The following MGMT variants were observed in gnomAD, a reference collection of about 807,000 sequenced individuals.
MGMT encodes the protein methylated-DNA--protein-cysteine methyltransferase.
MGMT carries 14 observed loss-of-function variants against 15.9 expected under a neutral mutation model. That is an observed-to-expected ratio of 0.88 (90% CI 0.58 to 1.37). The LOEUF is 1.37. Among genes scored for constraint, MGMT ranks in the 40% most tolerant of loss-of-function variants. MGMT has a pLI of 0.00. For synonymous variants in MGMT, 130 were observed against 118.2 expected (o/e 1.10, Z -0.65); for missense variants, 282 against 268.1 (o/e 1.05, Z -0.36).
intron 1 of MGMT, among the ~76,000 whole-genome samples, chr10:129,471,893 C>A (rs768229435): frequency 1.3e-5 from 2 of 152,192 alleles, no homozygotes; most frequent in South Asian, 4.1e-4. Context: ...GGTCTGAGTA[C>A]GGTTTTGTAA....
rs150245302 is a variant in MGMT at position 129,532,760 on chromosome 10, G to C, written c.-12-3481G>C. Among the ~76,000 whole-genome samples, 4 of 152,288 alleles carry C rather than the reference G, an allele frequency of 2.6e-5. No individual in the cohort carries two copies. In the East Asian group the frequency reaches 7.7e-4, roughly 29 times the overall value. Reference sequence around the variant, plus strand: ...CAAAGCCCTGGCCGTGGCCATCTCAGGTTAGACCCTCAGAGTGGCACTGTC... The same window carrying C: ...CAAAGCCCTGGCCGTGGCCATCTCACGTTAGACCCTCAGAGTGGCACTGTC... On this transcript the variant is annotated intron_variant, in intron 1 of 4. Coordinates refer to ENST00000651593, the MANE Select transcript of MGMT (RefSeq NM_002412.5). This position sits in a 1 kb window ranked among gnomAD's most constrained non-coding sequence, Gnocchi z 5.3.
intron 1 of MGMT, among the ~76,000 whole-genome samples, chr10:129,534,425 G>A (rs577400074): frequency 1.4e-4 from 21 of 152,194 alleles, no homozygotes; most frequent in Non-Finnish European, 2.5e-4. Context: ...ATCCCTGTCA[G>A]TCTGCACAGA....
At chr10:129,479,295 T>G (rs928445340) in intron 1 of MGMT, among the ~76,000 whole-genome samples, 6 of 152,208 alleles carry the variant, frequency 3.9e-5, no homozygotes, top group African/African-American at 9.6e-5. Context: ...TGGAAGTATA[T>G]TTTACAAGTA....
intron 2 of MGMT, among the ~76,000 whole-genome samples, chr10:129,650,713 G>C (rs1847447524): frequency 6.6e-6 from 1 of 152,184 alleles, no homozygotes; most frequent in Non-Finnish European, 1.5e-5. Flanking sequence ...CCGTCTCCAA[G>C]TACTTTGGGT....
At chr10:129,478,577 A>G (rs1413302449) in intron 1 of MGMT, among the ~76,000 whole-genome samples, 1 of 152,174 alleles carries the variant, frequency 6.6e-6, no homozygotes, top group African/African-American at 2.4e-5. Flanking sequence ...AAATATATCA[A>G]GTTCACAGGG....
chr10:129,530,566 T>C (rs1276913963), intron 1 of MGMT, among the ~76,000 whole-genome samples: 2 of 152,204 alleles, frequency 1.3e-5, no homozygotes, highest in East Asian at 3.9e-4. Flanking sequence ...CTCCCCTGGT[T>C]GGGTTTCTCC....
At chr10:129,673,619 G>C (rs1589928819) in intron 2 of MGMT, among the ~76,000 whole-genome samples, 1 of 152,166 alleles carries the variant, frequency 6.6e-6, no homozygotes, top group Non-Finnish European at 1.5e-5. Context: ...CCAGCCCTCT[G>C]GTTCTGTCCA....
intron 1 of MGMT, among the ~76,000 whole-genome samples, chr10:129,523,007 A>G (rs1845830062): frequency 6.6e-6 from 1 of 152,264 alleles, no homozygotes; most frequent in Non-Finnish European, 1.5e-5. Context: ...CTGCCATGAC[A>G]TATTTAAGCT....
At chr10:129,490,342 T>C (rs1330650628) in intron 1 of MGMT, among the ~76,000 whole-genome samples, 1 of 152,204 alleles carries the variant, frequency 6.6e-6, no homozygotes, top group Admixed American at 6.5e-5. Flanking sequence ...TAGGGAATTA[T>C]TAATGTTAAG....
intron 2 of MGMT, among the ~76,000 whole-genome samples, chr10:129,657,243 A>AT (rs1176695414): frequency 6.6e-6 from 1 of 151,962 alleles, no homozygotes; most frequent in African/African-American, 2.4e-5. Flanking sequence ...TCGAATCGGG[A>AT]TTTTCCTACC....
intron 2 of MGMT, among the ~76,000 whole-genome samples, chr10:129,607,276 T>C (rs999835427): frequency 6.6e-6 from 1 of 151,770 alleles, no homozygotes; most frequent in African/African-American, 2.4e-5. Flanking sequence ...CCGGGAAGAA[T>C]TACCTGGAAG....
chr10:129,554,503 C>T (rs1237557900), intron 2 of MGMT, among the ~76,000 whole-genome samples: 2 of 152,120 alleles, frequency 1.3e-5, no homozygotes, highest in African/African-American at 4.8e-5. Context: ...TTTTAACTGT[C>T]TATGTCCTGG....
rs935685111 is a variant in MGMT, at chr10:129,659,748, C to G, written c.126-48147C>G. ...AGTATTAAACTTTAGAAAAAGTGTT[C>G]TGACATTTATAGACTGACACGAAAA... On this transcript the variant is annotated intron_variant, in intron 2 of 4. Transcript: ENST00000651593. This position sits in a 1 kb window ranked among gnomAD's most constrained non-coding sequence, Gnocchi z 4.1. Among the ~76,000 whole-genome samples the G allele has an allele frequency of 6.6e-6, 1 of 152,192 alleles. No homozygotes were observed. The highest frequency in any genetic ancestry group is 1.5e-5 in the Non-Finnish European group (1 of 68,042).
At chr10:129,662,720 A>G (rs1371831544) in intron 2 of MGMT, among the ~76,000 whole-genome samples, 1 of 152,100 alleles carries the variant, frequency 6.6e-6, no homozygotes, top group Non-Finnish European at 1.5e-5. Flanking sequence ...GGGAAGGGCA[A>G]AGGGATGGGC....
intron 1 of MGMT, among the ~76,000 whole-genome samples, chr10:129,524,170 C>T (rs930707789): frequency 1.3e-5 from 2 of 152,290 alleles, no homozygotes; most frequent in African/African-American, 4.8e-5. Flanking sequence ...GGCACGGGGA[C>T]GGCTCCAGGG....
intron 2 of MGMT, among the ~76,000 whole-genome samples, chr10:129,679,926 A>G (rs7075249): frequency 0.11 from 17,363 of 152,228 alleles, 1,593 homozygotes; most frequent in African/African-American, 0.25. Flanking sequence ...AATTTTTCCA[A>G]AATTACTGTG....
intron 3 of MGMT, among the ~76,000 whole-genome samples, chr10:129,718,077 G>A (rs1247311140): frequency 2.0e-5 from 3 of 152,298 alleles, no homozygotes; most frequent in African/African-American, 4.8e-5. Flanking sequence ...ACCACAGCAC[G>A]ACCCCAACGT....
At position 129,556,893 on chromosome 10, in the gene MGMT, C is replaced by T. The variant is rs937760336; in HGVS notation, c.125+20516C>T. On this transcript the variant is annotated intron_variant, in intron 2 of 4. Coordinates refer to ENST00000651593, the MANE Select transcript of MGMT (RefSeq NM_002412.5). This position sits in a 1 kb window ranked among gnomAD's most constrained non-coding sequence, Gnocchi z 4.3. ...CTTTCCCTTGAGTTCTGGGGCGGGACGTGGAATGTTTGTGAGGCTACCCTT... is the reference window on the plus strand; with the variant it reads ...CTTTCCCTTGAGTTCTGGGGCGGGATGTGGAATGTTTGTGAGGCTACCCTT... Among the ~76,000 whole-genome samples the T allele has an allele frequency of 1.3e-5, 2 of 151,984 alleles. No individual in the cohort carries two copies. The highest frequency in any genetic ancestry group is 6.6e-5 in the Admixed American group (1 of 15,258).
At chr10:129,630,753 G>C (rs1357241493) in intron 2 of MGMT, among the ~76,000 whole-genome samples, 2 of 152,228 alleles carry the variant, frequency 1.3e-5, no homozygotes, top group African/African-American at 4.8e-5. Flanking sequence ...ACTGGCAAAG[G>C]CTGCTAAATA....
Sources: allele counts gnomAD v4.1 joint callset (sites outside exome capture counted in the v4.1 genomes callset), GRCh38; gene constraint gnomAD v4.1.1; non-coding constraint Gnocchi (gnomAD v3.1); transcripts MANE v1.5; gene names NCBI Gene and HGNC (gene_info 2026-07-23, HGNC 2026-07-21).